The following UBXN7 variants were observed in gnomAD, a reference collection of about 807,000 sequenced individuals.
UBXN7 encodes the protein UBX domain protein 7, also known as UBX domain-containing protein 7.
A neutral mutation model predicts 58.0 loss-of-function variants in UBXN7; 9 were observed. The ratio of observed to expected loss-of-function variants is 0.16; its 90% CI spans 0.09 to 0.27. The LOEUF is 0.27. Among genes scored for constraint, UBXN7 ranks in the 10% least tolerant of loss-of-function variants. The pLI is 1.00. For missense variants in UBXN7, 328 were observed against 599.6 expected, an observed-to-expected ratio of 0.55 and a Z score of 4.73; for synonymous variants, 208 against 205.0, an observed-to-expected ratio of 1.01 and a Z score of -0.12.
chr3:196,431,864 C>T (rs1577487649), intron 1 of UBXN7: 1 of 370,244 alleles, frequency 2.7e-6, no homozygotes, highest in Non-Finnish European at 5.4e-6. Context: ...AGGGGAAGGG[C>T]AGGCCGGGGA....
At chr3:196,421,315 C>T (rs1459290681) in intron 1 of UBXN7, among the ~76,000 whole-genome samples, 1 of 152,158 alleles carries the variant, frequency 6.6e-6, no homozygotes, top group Non-Finnish European at 1.5e-5. Flanking sequence ...TCACCTAGGC[C>T]AGTACTACCC....
rs557200899 is a variant in UBXN7, at chr3:196,382,335, G to A, written c.468+9478C>T. Among the ~76,000 whole-genome samples, 218 of 152,196 alleles carry A rather than the reference G, an allele frequency of 1.4e-3. 2 individuals carry two copies. The highest frequency in any genetic ancestry group is 2.6e-3 in the Non-Finnish European group (176 of 68,012). On this transcript the variant is annotated intron_variant, in intron 5 of 10. Transcript: ENST00000296328. ...GCCAGAAGAGTGGGGGCCAATATTC[G>A]ACATTCTTAAAGAAAAGAATTTTCA...
intron 5 of UBXN7, among the ~76,000 whole-genome samples, chr3:196,388,679 CTG>C (rs2108843835): frequency 6.6e-6 from 1 of 152,292 alleles, no homozygotes; most frequent in Non-Finnish European, 1.5e-5. Flanking sequence ...GCCTGTAAAA[CTG>C]TGGCTCACAT....
chr3:196,431,051 G>T (rs1490919037), intron 1 of UBXN7, among the ~76,000 whole-genome samples: 1 of 151,888 alleles, frequency 6.6e-6, no homozygotes, highest in Non-Finnish European at 1.5e-5. Context: ...TCATTGCAAA[G>T]CAAAAAAATA....
chr3:196,380,619 G>C (rs1729177245), intron 5 of UBXN7, among the ~76,000 whole-genome samples: 1 of 152,228 alleles, frequency 6.6e-6, no homozygotes, highest in Non-Finnish European at 1.5e-5. Context: ...CATCTCACTG[G>C]GACTGGGTGG....
At chr3:196,399,790 T>C (rs1354465027) in intron 3 of UBXN7, 1 of 152,148 alleles carries the variant, frequency 6.6e-6, no homozygotes, top group East Asian at 1.9e-4. Context: ...CAGTGAAGAA[T>C]TCACTATCTA....
At chr3:196,428,963 A>T (rs1039222110) in intron 1 of UBXN7, among the ~76,000 whole-genome samples, 1 of 151,630 alleles carries the variant, frequency 6.6e-6, no homozygotes, top group African/African-American at 2.4e-5. Flanking sequence ...CTGAGCCCAG[A>T]AACTGGAGAA....
intron 5 of UBXN7, among the ~76,000 whole-genome samples, chr3:196,386,983 A>G (rs1051760781): frequency 6.6e-6 from 1 of 152,196 alleles, no homozygotes; most frequent in Admixed American, 6.5e-5. Context: ...TACAGTAACC[A>G]AAACAGCATG....
chr3:196,386,370 T>A, intron 5 of UBXN7, among the ~76,000 whole-genome samples: 1 of 109,576 alleles, frequency 9.1e-6, no homozygotes, highest in Non-Finnish European at 1.8e-5. Context: ...CAAGAATGAT[T>A]AATAAACACT....
intron 4 of UBXN7, among the ~76,000 whole-genome samples, chr3:196,392,235 C>T (rs2108845932): frequency 6.6e-6 from 1 of 152,152 alleles, no homozygotes; most frequent in Admixed American, 6.5e-5. Context: ...AGTGCGGTGG[C>T]TCATGTCTAT....
chr3:196,429,867 A>C (rs1730969914), intron 1 of UBXN7, among the ~76,000 whole-genome samples: 2 of 152,186 alleles, frequency 1.3e-5, no homozygotes, highest in African/African-American at 4.8e-5. Context: ...AGGGACTCCA[A>C]CTTGATCCAG....
chr3:196,383,629 C>T (rs1729283163), intron 5 of UBXN7, among the ~76,000 whole-genome samples: 1 of 152,200 alleles, frequency 6.6e-6, no homozygotes, highest in Non-Finnish European at 1.5e-5. Context: ...CAAATTAGAA[C>T]TCAGGATTAA....
chr3:196,392,009 G>A (rs1729598701), intron 4 of UBXN7, 84 bp from the exon 5 acceptor site: 1 of 777,446 alleles, frequency 1.3e-6, no homozygotes, highest in South Asian at 1.9e-5. Flanking sequence ...ACAAACTTCT[G>A]TCAATTGAAG....
chr3:196,426,143 G>A (rs372755067), intron 1 of UBXN7, among the ~76,000 whole-genome samples: 1 of 152,072 alleles, frequency 6.6e-6, no homozygotes, highest in African/African-American at 2.4e-5. Context: ...CAGCGCTTTG[G>A]GAGGCTGAGG....
intron 1 of UBXN7, among the ~76,000 whole-genome samples, chr3:196,418,988 G>C (rs1343132050): frequency 2.0e-5 from 3 of 152,272 alleles, no homozygotes; most frequent in Non-Finnish European, 4.4e-5. Context: ...ATCTGAGGTC[G>C]AGCGCGGTGG....
Position 196,417,921 on chromosome 3 carries a change from T to A in UBXN7, c.74-10528A>T, listed in dbSNP as rs113721366. ...GGGTGACAGAGCAAAATCCTGTCTCTAAAAAAAAAAAAGAAAAGAAAATTC... is the reference window on the plus strand; with the variant it reads ...GGGTGACAGAGCAAAATCCTGTCTCAAAAAAAAAAAAAGAAAAGAAAATTC... On this transcript the variant is annotated intron_variant, in intron 1 of 10. Transcript: ENST00000296328. Among the ~76,000 whole-genome samples, 305 of 138,402 alleles carry A rather than the reference T, an allele frequency of 2.2e-3. 2 individuals carry two copies. The highest frequency in any genetic ancestry group is 7.1e-3 in the African/African-American group (269 of 37,808). 90.8% of individuals were successfully genotyped at this position (138,402 alleles called of 152,430 possible). A position where few individuals can be genotyped will look rare whatever the true frequency, so the allele number is the denominator to read the frequency against.
intron 1 of UBXN7, among the ~76,000 whole-genome samples, chr3:196,413,810 A>G (rs1730402098): frequency 6.6e-6 from 1 of 152,178 alleles, no homozygotes; most frequent in African/African-American, 2.4e-5. Flanking sequence ...GAGAATGCTC[A>G]AGTTCTTCAT....
At position 196,358,527 on chromosome 3, in the gene UBXN7, G is replaced by A. The variant is rs146693678; in HGVS notation, c.1309-1681C>T. 8.6e-3 allele frequency among the ~76,000 whole-genome samples: 1,310 copies of A among 152,224 alleles called. 18 individuals carry two copies. The highest frequency in any genetic ancestry group is 0.03 in the African/African-American group (1,226 of 41,544). ...GGGGAAGGAGGATGACTTGAGCTCA[G>A]GAGTTCAAGACCAGCCTGGGTAACA... On this transcript the variant is annotated intron_variant, in intron 10 of 10. Coordinates refer to ENST00000296328, the MANE Select transcript of UBXN7 (RefSeq NM_015562.2).
In UBXN7 at chr3:196,417,799, C is replaced by T. The variant is rs145115523; in HGVS notation, c.74-10406G>A. On this transcript the variant is annotated intron_variant, in intron 1 of 10. Coordinates refer to ENST00000296328, the MANE Select transcript of UBXN7 (RefSeq NM_015562.2). Reference sequence around the variant, plus strand: ...GATTAGCCAGGCGTGGTGGCACATGCCTGTAGTCCCAGCTACTCAGGAGGC... The same window carrying T: ...GATTAGCCAGGCGTGGTGGCACATGTCTGTAGTCCCAGCTACTCAGGAGGC... Among the ~76,000 whole-genome samples, 530 of 146,534 alleles carry T rather than the reference C, an allele frequency of 3.6e-3. 19 individuals are homozygous for T. In the South Asian group the frequency reaches 0.075, roughly 21 times the overall value.
Sources: allele counts gnomAD v4.1 joint callset (sites outside exome capture counted in the v4.1 genomes callset), GRCh38; gene constraint gnomAD v4.1.1; transcripts MANE v1.5; gene names NCBI Gene and HGNC (gene_info 2026-07-23, HGNC 2026-07-21).